MTRR: variants seen among roughly 807,000 people sequenced by gnomAD.
MTRR encodes the protein methionine synthase reductase.
MTRR carries 63 observed loss-of-function variants against 79.2 expected under a neutral mutation model. The observed-to-expected ratio is 0.80, with a 90% confidence interval of 0.65 to 0.98. MTRR has a LOEUF of 0.98. MTRR is among the 50% of genes least tolerant of loss of function. MTRR has a pLI of 0.00. For synonymous variants in MTRR, 355 were observed against 313.3 expected (o/e 1.13, Z -1.41); for missense variants, 895 against 839.6 (o/e 1.07, Z -0.82).
At chr5:7,880,483 T>C (rs756942499) in intron 5 of MTRR, among the ~76,000 whole-genome samples, 10 of 152,316 alleles carry the variant, frequency 6.6e-5, no homozygotes, top group Middle Eastern at 6.8e-3. Flanking sequence ...TGTTTCTTGT[T>C]TGAGTTTCCA....
intron 1 of MTRR, chr5:7,861,862 G>T: frequency 2.9e-6 from 3 of 1,036,302 alleles, no homozygotes; most frequent in Non-Finnish European, 3.8e-6. Context: ...AATTAAGAAA[G>T]CTCAATAACG....
At chr5:7,858,048 A>C (rs1297713446) in intron 1 of MTRR, among the ~76,000 whole-genome samples, 2 of 152,240 alleles carry the variant, frequency 1.3e-5, no homozygotes, top group East Asian at 3.9e-4. Context: ...CTGCTCCTTA[A>C]ACTGAATGCT....
rs756363513 is a variant in MTRR, at chr5:7,897,090, C to T, written c.1795C>T (p.His599Tyr). Residue 599 changes from histidine to tyrosine, a missense_variant, in exon 14 of 15, where the codon CAT becomes TAT. His to Tyr is a moderately conservative substitution (Grantham distance 83). Coordinates refer to ENST00000440940, the MANE Select transcript of MTRR (RefSeq NM_002454.3). The stretch of plus-strand genomic sequence containing the variant: ...AAAAGAGCTCAGACATTTCCTTAAG[C>T]ATGGGATCTTAACTCATCTAAAGGT... ...FRKELRHFLK[H>Y]GILTHLKVSF... The T allele has an allele frequency of 2.2e-5, 35 of 1,614,124 alleles. No homozygotes were observed. Among genetic ancestry groups the T allele is most frequent in the Non-Finnish European group, 2.3e-5 (27 of 1,180,012 alleles).
chr5:7,882,159 C>G (rs754781510), intron 5 of MTRR, among the ~76,000 whole-genome samples: 28 of 152,216 alleles, frequency 1.8e-4, no homozygotes, highest in Non-Finnish European at 3.8e-4. Flanking sequence ...AGCTGCTGTG[C>G]AGTCTCAGCA....
At chr5:7,877,190 C>T (rs182289119) in intron 4 of MTRR, among the ~76,000 whole-genome samples, 99 of 152,280 alleles carry the variant, frequency 6.5e-4, no homozygotes, top group African/African-American at 2.3e-3. Context: ...TTCCACAGCC[C>T]TGCCACAGTC....
chr5:7,887,887 C>CGG (rs2126763613), intron 8 of MTRR, among the ~76,000 whole-genome samples: 1 of 142,520 alleles, frequency 7.0e-6, no homozygotes, highest in African/African-American at 2.7e-5. Context: ...AGAAATAACC[C>CGG]AGGAAACCAA....
rs1343821146 is a variant in MTRR, at chr5:7,878,277, A to C, written c.735A>C (p.Leu245Phe). 1 of 1,613,984 alleles carries C rather than the reference A, an allele frequency of 6.2e-7. No homozygotes were observed. The highest frequency in any genetic ancestry group is 8.5e-7 in the Non-Finnish European group (1 of 1,180,038). The change falls in exon 5 of 15, where the codon TTA becomes TTC. Residue 245 changes from leucine (L) to phenylalanine (F), a missense_variant. Physicochemically the swap from Leu to Phe is conservative, Grantham distance 22 (BLOSUM62 0). Coordinates refer to ENST00000440940, the MANE Select transcript of MTRR (RefSeq NM_002454.3). ...LSQASLNIPG[L>F]PPEYLQVHLQ... ...AAGCCTCTCTGAATATTCCTGGTTT[A>C]CCCCCAGAATATTTACAGGTACATC...
chr5:7,865,844 A>T, upstream of MTRR: 3 of 1,366,562 alleles, frequency 2.2e-6, no homozygotes, highest in Non-Finnish European at 3.1e-6. Flanking sequence ...AAAGGAACTT[A>T]AAAGGAAACT....
At chr5:7,874,733 T>C (rs1230275479) in intron 3 of MTRR, among the ~76,000 whole-genome samples, 1 of 152,022 alleles carries the variant, frequency 6.6e-6, no homozygotes, top group Admixed American at 6.6e-5. Context: ...GTAAACTCTA[T>C]GAAGGTCCAG....
chr5:7,873,345 T>G, intron 2 of MTRR, 28 bp from the exon 3 acceptor site: 1 of 1,613,866 alleles, frequency 6.2e-7, no homozygotes, highest in Non-Finnish European at 8.5e-7. Flanking sequence ...TAGTGTTAGG[T>G]CCCTGACTTG....
At chr5:7,856,228 C>T (rs1414440329) in intron 1 of MTRR, among the ~76,000 whole-genome samples, 1 of 152,190 alleles carries the variant, frequency 6.6e-6, no homozygotes, top group Non-Finnish European at 1.5e-5. Context: ...GCTACTTCTC[C>T]ATTGGTCAGA....
intron 11 of MTRR, among the ~76,000 whole-genome samples, chr5:7,894,365 A>G (rs1199578216): frequency 6.6e-6 from 1 of 152,230 alleles, no homozygotes; most frequent in Admixed American, 6.5e-5. Context: ...TGTGAACAGA[A>G]GGACATCTGC....
chr5:7,884,598 T>C (rs528316646), intron 6 of MTRR, among the ~76,000 whole-genome samples: 1 of 152,308 alleles, frequency 6.6e-6, no homozygotes, highest in Non-Finnish European at 1.5e-5. Context: ...GAGGGCCAAC[T>C]GTATATAGAA....
chr5:7,875,154 A>T (rs539639268), intron 3 of MTRR, 104 bp from the exon 4 acceptor site: 150 of 837,922 alleles, frequency 1.8e-4, no homozygotes, highest in Middle Eastern at 9.6e-4. Context: ...TACTCCATCC[A>T]TAAGAGCATG....
chr5:7,893,216 TGGA>T (rs1737937014), intron 11 of MTRR: 5 of 393,480 alleles, frequency 1.3e-5, no homozygotes, highest in South Asian at 1.2e-4. Context: ...TGGGGAGGGG[TGGA>T]GAACTGTCTA....
chr5:7,884,948 T>A (rs1736173028), intron 6 of MTRR, among the ~76,000 whole-genome samples: 1 of 152,230 alleles, frequency 6.6e-6, no homozygotes, highest in African/African-American at 2.4e-5. Context: ...CACCAAAATA[T>A]TTTTTATTCT....
In MTRR at chr5:7,895,824, G is replaced by A; in HGVS notation, c.1648G>A (p.Ala550Thr). 4.3e-6 allele frequency: 7 copies of A among 1,614,084 alleles called. No homozygotes were observed. The highest frequency in any genetic ancestry group is 5.9e-6 in the Non-Finnish European group (7 of 1,179,992). Residue 550 changes from alanine (A) to threonine (T), a missense_variant, in exon 12 of 15, where the codon GCC (alanine) becomes ACC (threonine). Coordinates refer to ENST00000440940, the MANE Select transcript of MTRR (RefSeq NM_002454.3). ...IIMVGPGTGI[A>T]PFIGFLQHRE... ...AATGGTGGGTCCAGGAACCGGCATA[G>A]CCCCGTTTATTGGGTTCCTACAACA...
chr5:7,887,660 G>A (rs1489417105), intron 8 of MTRR, among the ~76,000 whole-genome samples: 2 of 147,546 alleles, frequency 1.4e-5, no homozygotes, highest in East Asian at 3.9e-4. Flanking sequence ...AAAGCTTACC[G>A]ATTAAGTCAC....
intron 5 of MTRR, among the ~76,000 whole-genome samples, chr5:7,879,611 A>T (rs1157390400): frequency 6.6e-6 from 1 of 152,166 alleles, no homozygotes; most frequent in African/African-American, 2.4e-5. Flanking sequence ...TAATATACTG[A>T]GAGAGTAAAG....
Sources: allele counts gnomAD v4.1 joint callset (sites outside exome capture counted in the v4.1 genomes callset), GRCh38; gene constraint gnomAD v4.1.1; transcripts MANE v1.5; gene names NCBI Gene and HGNC (gene_info 2026-07-23, HGNC 2026-07-21).